The following RAI14 variants were observed in gnomAD, a reference collection of about 807,000 sequenced individuals.
RAI14 encodes the protein retinoic acid induced 14.
RAI14 carries 45 observed loss-of-function variants against 115.4 expected under a neutral mutation model. That is an observed-to-expected ratio of 0.39 (90% CI 0.31 to 0.50). The LOEUF is 0.50. Among genes scored for constraint, RAI14 ranks in the 20% least tolerant of loss-of-function variants. RAI14 has a pLI of 0.85. For synonymous variants in RAI14, 371 were observed against 415.4 expected, an observed-to-expected ratio of 0.89 and a Z score of 1.30; for missense variants, 939 against 1,131.2, an observed-to-expected ratio of 0.83 and a Z score of 2.44.
chr5:34,743,388 AT>A (rs1745770154), intron 2 of RAI14, among the ~76,000 whole-genome samples: 1 of 152,066 alleles, frequency 6.6e-6, no homozygotes. Context: ...CTTCTTCCTC[AT>A]GTCTCTGCAT....
At chr5:34,797,494 G>A (rs1393192325) in intron 4 of RAI14, among the ~76,000 whole-genome samples, 1 of 152,040 alleles carries the variant, frequency 6.6e-6, no homozygotes, top group African/African-American at 2.4e-5. Flanking sequence ...GTCAAGTCAG[G>A]TGAATGATGT....
At chr5:34,712,149 T>C (rs905045874) in intron 2 of RAI14, among the ~76,000 whole-genome samples, 2 of 152,178 alleles carry the variant, frequency 1.3e-5, no homozygotes, top group Non-Finnish European at 2.9e-5. Context: ...TTATATGGGG[T>C]TTCCTTTTAT....
At chr5:34,724,343 C>T (rs1010592820) in intron 2 of RAI14, among the ~76,000 whole-genome samples, 7 of 152,164 alleles carry the variant, frequency 4.6e-5, no homozygotes, top group African/African-American at 1.7e-4. Context: ...AGGACAGATC[C>T]ATATCCTTTA....
chr5:34,705,585 C>T (rs1413006250), intron 2 of RAI14, among the ~76,000 whole-genome samples: 1 of 152,076 alleles, frequency 6.6e-6, no homozygotes, highest in East Asian at 1.9e-4. Flanking sequence ...AGCCTTTATA[C>T]CCAGGAGTCA....
intron 2 of RAI14, among the ~76,000 whole-genome samples, chr5:34,711,420 G>A (rs1281767571): frequency 1.3e-5 from 2 of 152,200 alleles, no homozygotes; most frequent in Admixed American, 6.5e-5. Context: ...AGATTACAAA[G>A]TACATTGATC....
chr5:34,751,382 A>C (rs554321887), intron 2 of RAI14, among the ~76,000 whole-genome samples: 1 of 151,964 alleles, frequency 6.6e-6, no homozygotes, highest in African/African-American at 2.4e-5. Context: ...ACCTCAAGTG[A>C]TCTGCCCACC....
intron 9 of RAI14, 45 bp downstream of exon 9, chr5:34,811,990 C>T (rs1477092564): frequency 6.7e-7 from 1 of 1,483,360 alleles, no homozygotes; most frequent in East Asian, 2.3e-5. Context: ...TTTATCCACT[C>T]CATTTTCCCC....
chr5:34,773,264 A>G lies in RAI14; in HGVS notation c.167+15666A>G, dbSNP rs117394140. On this transcript the variant is annotated intron_variant, in intron 3 of 17. Transcript: ENST00000265109. The stretch of plus-strand genomic sequence containing the variant: ...CCCTATATACAAATATCAACTCACA[A>G]TGGATTCAAGACTTAAATGTAAGAC... 7.1e-3 allele frequency among the ~76,000 whole-genome samples: 1,078 copies of G among 152,320 alleles called. 20 individuals carry two copies. Among genetic ancestry groups the G allele is most frequent in the East Asian group, 0.063 (325 of 5,186 alleles).
At chr5:34,803,859 C>A in intron 5 of RAI14, 83 bp downstream of exon 5, 1 of 1,209,076 alleles carries the variant, frequency 8.3e-7, no homozygotes, top group Non-Finnish European at 1.2e-6. Flanking sequence ...ACAAACACAC[C>A]CTCCATACAC....
intron 1 of RAI14, among the ~76,000 whole-genome samples, chr5:34,663,508 C>A (rs1011233395): frequency 1.3e-5 from 2 of 152,054 alleles, no homozygotes; most frequent in East Asian, 3.9e-4. Flanking sequence ...CAGAGTGAGA[C>A]CCTGTCTAAA....
intron 14 of RAI14, among the ~76,000 whole-genome samples, chr5:34,822,273 T>TAA (rs1450654711): frequency 4.1e-5 from 6 of 146,268 alleles, no homozygotes; most frequent in African/African-American, 1.5e-4. Flanking sequence ...TATATATATA[T>TAA]AAAATATTAT....
intron 2 of RAI14, among the ~76,000 whole-genome samples, chr5:34,740,638 G>A (rs1422508589): frequency 6.6e-5 from 10 of 152,134 alleles, no homozygotes. Flanking sequence ...TCTTCTGGGG[G>A]CTGGGGAGAC....
chr5:34,708,350 G>C (rs1430188968), intron 2 of RAI14, among the ~76,000 whole-genome samples: 1 of 152,050 alleles, frequency 6.6e-6, no homozygotes. Context: ...TTACAGGCAT[G>C]CGCCACCTCG....
At chr5:34,692,810 T>A (rs1738795443) in intron 2 of RAI14, among the ~76,000 whole-genome samples, 1 of 152,152 alleles carries the variant, frequency 6.6e-6, no homozygotes, top group Admixed American at 6.5e-5. Context: ...TTGCTAGGAC[T>A]GCCATAACAA....
chr5:34,824,257 G>A lies in RAI14; in HGVS notation c.2415G>A (p.Ser805=), dbSNP rs141530324. ...AGAGTGAAGTGAGTGTGTTGGCATC[G>A]AAATTAAAGGAATCTGTGAAAGAGA... The part of the protein sequence containing the change: ...SLESEVSVLA[S]KLKESVKEKE... The change falls in exon 15 of 18, where the codon TCG becomes TCA. Residue 805 remains serine (S), a synonymous_variant. Transcript: ENST00000265109. 4.3e-6 allele frequency: 7 copies of A among 1,614,010 alleles called. No individual in the cohort carries two copies. The African/African-American group carries it at 5.3e-5, about 12-fold the overall frequency.
intron 2 of RAI14, among the ~76,000 whole-genome samples, chr5:34,732,585 T>A (rs1490297042): frequency 6.6e-6 from 1 of 151,444 alleles, no homozygotes; most frequent in Admixed American, 6.6e-5. Context: ...ACTACAGGTG[T>A]ATGCCACCAT....
chr5:34,793,446 G>A (rs1281667768), intron 3 of RAI14, among the ~76,000 whole-genome samples: 1 of 152,128 alleles, frequency 6.6e-6, no homozygotes, highest in Non-Finnish European at 1.5e-5. Flanking sequence ...TGGGGAAGGG[G>A]GTTAGTAACT....
chr5:34,686,944 AG>A lies in RAI14; in HGVS notation c.27del (p.Lys10ArgfsTer63). 6.2e-7 allele frequency: 1 copy of A among 1,613,844 alleles called. No individual in the cohort carries two copies. The highest frequency in any genetic ancestry group is 2.2e-5 in the East Asian group (1 of 44,860). ...CATGAAGAGCTTGAAAGCGAAGTTCAGGAAGAGTGACGTGAGTATGCGGTGA... is the reference window on the plus strand; with the variant it reads ...CATGAAGAGCTTGAAAGCGAAGTTCAGAAGAGTGACGTGAGTATGCGGTGA... MKSLKAKF[R>X]KSDTNEWNKN... On this transcript the variant is annotated frameshift_variant, in exon 2 of 18. Transcript: ENST00000265109. LOFTEE classifies it high-confidence loss of function.
chr5:34,690,927 T>C lies in RAI14; in HGVS notation c.36+3972T>C, dbSNP rs545549596. 1.2e-4 allele frequency among the ~76,000 whole-genome samples: 18 copies of C among 152,034 alleles called. No homozygotes were observed. The South Asian group carries it at 2.9e-3, about 25-fold the overall frequency. On this transcript the variant is annotated intron_variant, in intron 2 of 17. Coordinates refer to ENST00000265109, the MANE Select transcript of RAI14 (RefSeq NM_015577.3). ...CTCGGTGGGAGGAGAAAAAAACATA[T>C]AGGAAATAACTAGAGCAAAATACAA...
Sources: allele counts gnomAD v4.1 joint callset (sites outside exome capture counted in the v4.1 genomes callset), GRCh38; gene constraint gnomAD v4.1.1; transcripts MANE v1.5; gene names NCBI Gene and HGNC (gene_info 2026-07-23, HGNC 2026-07-21).